The following TYW1B variants were observed in gnomAD, a reference collection of about 807,000 sequenced individuals.
The protein encoded by TYW1B is tRNA-yW synthesizing protein 1 homolog B, also known as S-adenosyl-L-methionine-dependent tRNA 4-demethylwyosine synthase TYW1B.
TYW1B carries 73 observed loss-of-function variants against 86.9 expected under a neutral mutation model. The observed-to-expected ratio is 0.84, with a 90% CI of 0.70 to 1.02. The LOEUF (loss-of-function observed/expected upper bound fraction) is 1.02, where lower values mean the gene tolerates loss of function less well. Ranked by LOEUF, TYW1B falls within the 50% of genes least tolerant of loss-of-function variation. The pLI, the probability that TYW1B is intolerant of heterozygous loss-of-function variation, is 0.00. For missense variants in TYW1B, 637 were observed against 827.4 expected (o/e 0.77, Z 2.82); for synonymous variants, 248 against 292.8 (o/e 0.85, Z 1.56).
At chr7:72,758,572 G>A (rs1230477605) in intron 7 of TYW1B, among the ~76,000 whole-genome samples, 1 of 152,106 alleles carries the variant, frequency 6.6e-6, no homozygotes, top group Non-Finnish European at 1.5e-5. Context: ...CACCACTGCA[G>A]TACTCACTTG....
chr7:72,620,305 G>A, intron 12 of TYW1B, among the ~76,000 whole-genome samples: 1 of 152,202 alleles, frequency 6.6e-6, no homozygotes, highest in South Asian at 2.1e-4. Context: ...GCTGAGGCAG[G>A]AGAATCGCTC....
At position 72,726,304 on chromosome 7, in the gene TYW1B, G is replaced by A. The variant is rs560269655; in HGVS notation, c.1192+2518C>T. On this transcript the variant is annotated intron_variant, in intron 9 of 13. Transcript: ENST00000620995. ...CCTACCTACAGATATACACAAATAT[G>A]TACAGGTCAACTTTCCCTAGAAAAT... Among the ~76,000 whole-genome samples, 7 of 151,708 alleles carry A rather than the reference G, an allele frequency of 4.6e-5. No individual in the cohort carries two copies. The South Asian group carries it at 8.3e-4, about 18-fold the overall frequency.
chr7:72,624,519 G>A (rs1307891255), intron 12 of TYW1B, among the ~76,000 whole-genome samples: 1 of 152,184 alleles, frequency 6.6e-6, no homozygotes, highest in African/African-American at 2.4e-5. Context: ...CTTAGTAGCA[G>A]TATGCTCTAT....
chr7:72,804,922 C>A (rs1157259582), intron 5 of TYW1B, among the ~76,000 whole-genome samples: 1 of 152,166 alleles, frequency 6.6e-6, no homozygotes, highest in Non-Finnish European at 1.5e-5. Flanking sequence ...TCCTTAGACT[C>A]AAGTTTCTAA....
intron 11 of TYW1B, among the ~76,000 whole-genome samples, chr7:72,656,171 C>T (rs1359690116): frequency 6.6e-6 from 1 of 152,170 alleles, no homozygotes; most frequent in Non-Finnish European, 1.5e-5. Flanking sequence ...CTAACAACCA[C>T]AGCCTATGCC....
At position 72,706,931 on chromosome 7, in the gene TYW1B, G is replaced by C. The variant is rs189113505; in HGVS notation, c.1370+6690C>G. On this transcript the variant is annotated intron_variant, in intron 10 of 13. Coordinates refer to ENST00000620995, the MANE Select transcript of TYW1B (RefSeq NM_001145440.3). The stretch of plus-strand genomic sequence containing the variant: ...CCAACTGAGGGTTTGAGACCTCTGG[G>C]CTTAAGGAGAAAATGGATTGCATAT... 2.2e-3 allele frequency among the ~76,000 whole-genome samples: 340 copies of C among 152,318 alleles called. 2 individuals carry two copies. The highest frequency in any genetic ancestry group is 7.6e-3 in the African/African-American group (316 of 41,572).
intron 5 of TYW1B, among the ~76,000 whole-genome samples, chr7:72,802,755 G>T (rs532339511): frequency 1.3e-5 from 2 of 151,988 alleles, no homozygotes; most frequent in African/African-American, 4.8e-5. Context: ...CAAGTAGCTA[G>T]GATCACAGGC....
chr7:72,655,113 G>A (rs1813166032), intron 11 of TYW1B, among the ~76,000 whole-genome samples: 1 of 152,144 alleles, frequency 6.6e-6, no homozygotes, highest in Non-Finnish European at 1.5e-5. Context: ...GACCAGAATA[G>A]CAAGTAGATA....
chr7:72,796,466 C>CCT (rs563855397), intron 6 of TYW1B, among the ~76,000 whole-genome samples: 2,989 of 148,838 alleles, frequency 0.02, 119 homozygotes, highest in African/African-American at 0.071. Flanking sequence ...GAACTCCTGA[C>CCT]CTCAGGTGAT....
chr7:72,673,724 T>C (rs1275467767), intron 11 of TYW1B, among the ~76,000 whole-genome samples: 1 of 152,162 alleles, frequency 6.6e-6, no homozygotes, highest in African/African-American at 2.4e-5. Flanking sequence ...CTTAATTTAA[T>C]TGTACATTTA....
At chr7:72,671,278 G>A (rs1442831504) in intron 11 of TYW1B, among the ~76,000 whole-genome samples, 4 of 152,066 alleles carry the variant, frequency 2.6e-5, no homozygotes, top group Admixed American at 2.6e-4. Flanking sequence ...CTCAGAAAAG[G>A]TACAAGGAAG....
At chr7:72,657,983 C>T (rs1346724496) in intron 11 of TYW1B, among the ~76,000 whole-genome samples, 2 of 152,244 alleles carry the variant, frequency 1.3e-5, no homozygotes, top group East Asian at 1.9e-4. Context: ...GGGCCAGGAG[C>T]GGTGGCTCGC....
In TYW1B at chr7:72,798,129, C is replaced by T. The variant is rs1250878531; in HGVS notation, c.846+4271G>A. On this transcript the variant is annotated intron_variant, in intron 6 of 13. Coordinates refer to ENST00000620995, the MANE Select transcript of TYW1B (RefSeq NM_001145440.3). ...CTTAAGTCCGTCTCAGCCGGCCGGG[C>T]GCGGTGGCTCATGCCTGTAATCCCA... Among the ~76,000 whole-genome samples the T allele has an allele frequency of 2.0e-5, 3 of 152,108 alleles. 1 individual carries two copies. Among genetic ancestry groups the T allele is most frequent in the Middle Eastern group, 6.8e-3 (2 of 294 alleles).
At position 72,798,001 on chromosome 7, in the gene TYW1B, T is replaced by TTATA. The variant is rs1159796273; in HGVS notation, c.846+4395_846+4398dup. 7.1e-3 allele frequency among the ~76,000 whole-genome samples: 564 copies of TTATA among 79,322 alleles called. 4 individuals are homozygous for TTATA. Among genetic ancestry groups the TTATA allele is most frequent in the African/African-American group, 0.014 (415 of 29,474 alleles). The allele number at this position is 79,322 out of a possible 152,430, so 52.0% of individuals were successfully genotyped here. A position where few individuals can be genotyped will look rare whatever the true frequency, so the allele number is the denominator to read the frequency against. On this transcript the variant is annotated intron_variant, in intron 6 of 13. Transcript: ENST00000620995. The stretch of plus-strand genomic sequence containing the variant: ...AGTGAACCCAGCTAGAAAATACTAT[T>TTATA]TATATATATACACACACACACACAC...
intron 7 of TYW1B, among the ~76,000 whole-genome samples, chr7:72,764,557 A>G (rs527405549): frequency 2.6e-4 from 39 of 152,340 alleles, no homozygotes; most frequent in Non-Finnish European, 4.9e-4. Flanking sequence ...CTGGAATTAC[A>G]GGGGTGAGCC....
chr7:72,633,353 T>C (rs537551337), intron 11 of TYW1B, among the ~76,000 whole-genome samples: 2 of 152,322 alleles, frequency 1.3e-5, no homozygotes, highest in South Asian at 4.1e-4. Flanking sequence ...CTTGAATTCT[T>C]TACTGGACAA....
At chr7:72,744,019 A>AACGTTC (rs1787351130) in intron 8 of TYW1B, among the ~76,000 whole-genome samples, 1 of 150,866 alleles carries the variant, frequency 6.6e-6, no homozygotes, top group Non-Finnish European at 1.5e-5. Context: ...GCTGAAACAC[A>AACGTTC]ACATTCACTG....
chr7:72,785,031 C>T (rs544015188), intron 6 of TYW1B, among the ~76,000 whole-genome samples: 1 of 151,898 alleles, frequency 6.6e-6, no homozygotes, highest in South Asian at 2.1e-4. Flanking sequence ...GTTTAGGGTT[C>T]CCCAAACATG....
At chr7:72,804,897 C>T (rs746311848) in intron 5 of TYW1B, among the ~76,000 whole-genome samples, 4 of 152,184 alleles carry the variant, frequency 2.6e-5, no homozygotes, top group Non-Finnish European at 2.9e-5. Context: ...GTCCTAGACT[C>T]TCCTTGATAA....
Sources: gnomAD v4.1 joint callset for allele counts (sites outside exome capture counted in the v4.1 genomes callset) on GRCh38, gnomAD v4.1.1 for gene constraint, MANE v1.5 for transcripts, NCBI Gene and HGNC (gene_info 2026-07-23, HGNC 2026-07-21) for gene names.